JPH2: variants seen among roughly 807,000 people sequenced by gnomAD.
JPH2 encodes the protein junctophilin-2.
Under a neutral mutation model 55.9 loss-of-function variants are expected in JPH2, and 38 were observed. That is an observed-to-expected ratio of 0.68 (90% CI 0.52 to 0.89). JPH2 has a LOEUF of 0.89. JPH2 is among the 40% of genes least tolerant of loss of function. The pLI is 0.00. For synonymous variants in JPH2, 480 were observed against 472.4 expected (o/e 1.02, Z -0.21); for missense variants, 964 against 1,037.6 (o/e 0.93, Z 0.97).
At chr20:44,141,499 G>T (rs2072456118) in intron 2 of JPH2, among the ~76,000 whole-genome samples, 1 of 146,220 alleles carries the variant, frequency 6.8e-6, no homozygotes, top group Non-Finnish European at 1.5e-5. Context: ...CAATGGGTGA[G>T]GCAGTAGAAG....
At chr20:44,144,728 A>G (rs1014188533) in intron 2 of JPH2, among the ~76,000 whole-genome samples, 2 of 152,084 alleles carry the variant, frequency 1.3e-5, no homozygotes, top group African/African-American at 4.8e-5. Context: ...GTGAGTTTGG[A>G]CTGGTTTTCT....
At chr20:44,151,229 A>G (rs1350145906) in intron 2 of JPH2, among the ~76,000 whole-genome samples, 1 of 152,200 alleles carries the variant, frequency 6.6e-6, no homozygotes, top group Non-Finnish European at 1.5e-5. Context: ...TGGAAAATCA[A>G]GAGTTGGCTG....
At chr20:44,114,605 T>C (rs964619621) in intron 5 of JPH2, among the ~76,000 whole-genome samples, 177 bp downstream of exon 5, 8 of 116,224 alleles carry the variant, frequency 6.9e-5, no homozygotes, top group African/African-American at 2.3e-4. Flanking sequence ...TGTGTGTGTG[T>C]GTGTGCGCTG....
At chr20:44,147,184 A>T (rs2072499103) in intron 2 of JPH2, among the ~76,000 whole-genome samples, 1 of 152,178 alleles carries the variant, frequency 6.6e-6, no homozygotes. Flanking sequence ...GGCCCACGTG[A>T]ATTGCCATTA....
At chr20:44,140,669 A>G (rs6031415) in intron 2 of JPH2, among the ~76,000 whole-genome samples, 104,742 of 151,590 alleles carry the variant, frequency 0.69, 36,529 homozygotes, top group East Asian at 0.8. Flanking sequence ...AGCCTAAGGA[A>G]AGAGGTTCTC....
At chr20:44,183,038 T>G (rs901545819) in intron 1 of JPH2, among the ~76,000 whole-genome samples, 5 of 151,508 alleles carry the variant, frequency 3.3e-5, no homozygotes, top group Admixed American at 6.6e-5. Context: ...CACGCACACA[T>G]AAATACACAC....
At chr20:44,124,164 C>T (rs2072259774) in intron 2 of JPH2, among the ~76,000 whole-genome samples, 2 of 152,104 alleles carry the variant, frequency 1.3e-5, no homozygotes, top group African/African-American at 4.8e-5. Context: ...AGGGCTCTCA[C>T]CCAATAGAGC....
Position 44,108,020 on chromosome 20 carries a change from G to A in JPH2, c.*5498C>T, listed in dbSNP as rs1042218176. 6.6e-6 allele frequency among the ~76,000 whole-genome samples: 1 copy of A among 152,192 alleles called. No individual in the cohort carries two copies. The highest frequency in any genetic ancestry group is 2.4e-5 in the African/African-American group (1 of 41,438). ...CACAGGGTTAAAAGATTGGGGCTTTGGGCTATGTGATGTCAGCCTGACCTT... is the reference window on the plus strand; with the variant it reads ...CACAGGGTTAAAAGATTGGGGCTTTAGGCTATGTGATGTCAGCCTGACCTT... On this transcript the variant is annotated 3_prime_UTR_variant, in exon 6 of 6. Coordinates refer to ENST00000372980, the MANE Select transcript of JPH2 (RefSeq NM_020433.5).
In JPH2 at chr20:44,109,317, TCTG is replaced by T. The variant is rs1216477632; in HGVS notation, c.*4198_*4200del. Among the ~76,000 whole-genome samples the T allele has an allele frequency of 2.0e-5, 3 of 152,242 alleles. No individual in the cohort carries two copies. Among genetic ancestry groups the T allele is most frequent in the Admixed American group, 6.5e-5 (1 of 15,288 alleles). ...ATGGAAAATAGCAGTGCATTTACCA[TCTG>T]CTCACACCATGCTGGGAATTGTTCT... is the stretch of plus-strand genomic sequence containing the variant. On this transcript the variant is annotated 3_prime_UTR_variant, in exon 6 of 6. Coordinates refer to ENST00000372980, the MANE Select transcript of JPH2 (RefSeq NM_020433.5).
At chr20:44,132,279 T>A (rs924279344) in intron 2 of JPH2, among the ~76,000 whole-genome samples, 1 of 151,468 alleles carries the variant, frequency 6.6e-6, no homozygotes, top group Non-Finnish European at 1.5e-5. Flanking sequence ...ATAGAGAATA[T>A]TTATGGAAAG....
At chr20:44,118,032 A>T (rs1370403643) in intron 3 of JPH2, among the ~76,000 whole-genome samples, 3 of 152,218 alleles carry the variant, frequency 2.0e-5, no homozygotes, top group Admixed American at 2.0e-4. Context: ...GAATGAATGC[A>T]GAGTCTGTTT....
intron 2 of JPH2, among the ~76,000 whole-genome samples, chr20:44,151,432 G>A (rs1218092907): frequency 3.9e-5 from 6 of 152,046 alleles, no homozygotes; most frequent in South Asian, 2.1e-4. Flanking sequence ...CAGGAGAATC[G>A]CTTGAACCTG....
At position 44,153,662 on chromosome 20, in the gene JPH2, C is replaced by T. The variant is rs117216095; in HGVS notation, c.1169+5956G>A. 9.1e-4 allele frequency among the ~76,000 whole-genome samples: 138 copies of T among 152,344 alleles called. No individual in the cohort carries two copies. The East Asian group carries it at 0.023, about 26-fold the overall frequency. ...TCAGGGCCATGCCCTGCCTCTGCCA[C>T]GGGGGCACAACAGCAGGAAGACTAG... is the stretch of plus-strand genomic sequence containing the variant. On this transcript the variant is annotated intron_variant, in intron 2 of 5. Transcript: ENST00000372980.
chr20:44,186,598 G>A lies in JPH2; in HGVS notation c.108C>T (p.Gly36=), dbSNP rs1027009769. Residue 36 remains glycine, a synonymous_variant, in exon 1 of 6, where the codon GGC becomes GGT. Coordinates refer to ENST00000372980, the MANE Select transcript of JPH2 (RefSeq NM_020433.5). ...CAAAGTTCCAGGAGCCAGAGTATTC[G>A]CCCTGGCCCTTGGGGCCTGTGCACA... The part of the protein sequence containing the change: ...HGLCTGPKGQ[G]EYSGSWNFGF... 3.1e-6 allele frequency: 5 copies of A among 1,613,384 alleles called. No homozygotes were observed. The highest frequency in any genetic ancestry group is 4.2e-6 in the Non-Finnish European group (5 of 1,179,998).
intron 1 of JPH2, among the ~76,000 whole-genome samples, chr20:44,186,019 G>A (rs2072836699): frequency 6.6e-6 from 1 of 152,154 alleles, no homozygotes; most frequent in Non-Finnish European, 1.5e-5. Flanking sequence ...GGCTGTTTAT[G>A]TTGGGGCATA....
rs1005530424 is a variant in JPH2, at chr20:44,111,145, C to G, written c.*2373G>C. On this transcript the variant is annotated 3_prime_UTR_variant, in exon 6 of 6. Coordinates refer to ENST00000372980, the MANE Select transcript of JPH2 (RefSeq NM_020433.5). ...ATGTGGCGATCCCCTCAGGCTCCCCCACTGATTGAGATATTCTGACTAAAC... is the reference window on the plus strand; with the variant it reads ...ATGTGGCGATCCCCTCAGGCTCCCCGACTGATTGAGATATTCTGACTAAAC... 6.6e-6 allele frequency among the ~76,000 whole-genome samples: 1 copy of G among 152,198 alleles called. No individual in the cohort carries two copies. The highest frequency in any genetic ancestry group is 1.5e-5 in the Non-Finnish European group (1 of 68,042).
intron 2 of JPH2, among the ~76,000 whole-genome samples, chr20:44,157,939 G>T (rs1198704107): frequency 6.6e-6 from 1 of 152,078 alleles, no homozygotes; most frequent in Non-Finnish European, 1.5e-5. Flanking sequence ...CCCCACTTTT[G>T]CTGGGTTGAA....
intron 1 of JPH2, among the ~76,000 whole-genome samples, chr20:44,173,807 A>G (rs1254739142): frequency 6.6e-6 from 1 of 152,134 alleles, no homozygotes; most frequent in Non-Finnish European, 1.5e-5. Context: ...CCAGCTACTC[A>G]GGAGGCTGAG....
chr20:44,122,456 T>C (rs1032597273), intron 2 of JPH2, among the ~76,000 whole-genome samples: 3 of 152,174 alleles, frequency 2.0e-5, no homozygotes, highest in African/African-American at 7.2e-5. Context: ...ATTTTAAAAG[T>C]CTAAATTAAT....
Sources: allele counts gnomAD v4.1 joint callset (sites outside exome capture counted in the v4.1 genomes callset), GRCh38; gene constraint gnomAD v4.1.1; transcripts MANE v1.5; gene names NCBI Gene and HGNC (gene_info 2026-07-23, HGNC 2026-07-21).